ST3GAL6: variants seen among roughly 807,000 people sequenced by gnomAD.
The protein encoded by ST3GAL6 is ST3 beta-galactoside alpha-2,3-sialyltransferase 6.
Under a neutral mutation model 40.5 loss-of-function variants are expected in ST3GAL6, and 31 were observed. The ratio of observed to expected loss-of-function variants is 0.77; its 90% CI spans 0.58 to 1.03. The LOEUF is 1.03. ST3GAL6 is among the 50% of genes least tolerant of loss of function. ST3GAL6 has a pLI of 0.00. For missense variants in ST3GAL6, 357 were observed against 393.2 expected, an observed-to-expected ratio of 0.91 and a Z score of 0.78; for synonymous variants, 129 against 136.9, an observed-to-expected ratio of 0.94 and a Z score of 0.40.
At position 98,793,738 on chromosome 3, in the gene ST3GAL6, G is replaced by C. The variant is rs139832763; in HGVS notation, c.973G>C (p.Val325Leu). The change falls in exon 10 of 10, where the codon GTA becomes CTA. Residue 325 changes from valine to leucine, a missense_variant. By Grantham distance (32) the Val-to-Leu change is conservative. Transcript: ENST00000483910. Reference sequence around the variant, plus strand: ...GAAGGACATTATAGAAAAAAACCTCGTAATCAACTTGACTCAAGATTGACT... The same window carrying C: ...GAAGGACATTATAGAAAAAAACCTCCTAATCAACTTGACTCAAGATTGACT... ...FLKDIIEKNLVINLTQD is the reference protein window; with the variant it reads ...FLKDIIEKNLLINLTQD 6.2e-7 allele frequency: 1 copy of C among 1,602,250 alleles called. No homozygotes were observed. Among genetic ancestry groups the C allele is most frequent in the South Asian group, 1.1e-5 (1 of 88,170 alleles).
At chr3:98,740,509 G>A (rs1019226986) in intron 1 of ST3GAL6, among the ~76,000 whole-genome samples, 1 of 151,960 alleles carries the variant, frequency 6.6e-6, no homozygotes, top group South Asian at 2.1e-4. Context: ...TTGACACTCA[G>A]TGCCATTCTC....
intron 1 of ST3GAL6, 110 bp downstream of exon 1, chr3:98,763,549 G>A: frequency 2.0e-6 from 2 of 1,000,056 alleles, no homozygotes; most frequent in East Asian, 6.0e-5. Context: ...GGTAGAAGGG[G>A]GATGTGCTTC....
chr3:98,762,520 G>T (rs72932661), upstream of ST3GAL6, among the ~76,000 whole-genome samples: 135 of 151,990 alleles, frequency 8.9e-4, no homozygotes, highest in African/African-American at 3.2e-3. Flanking sequence ...TGAGAATTTC[G>T]TCATCCTTCT....
chr3:98,793,298 T>C (rs1439331501), intron 9 of ST3GAL6, among the ~76,000 whole-genome samples: 1 of 152,232 alleles, frequency 6.6e-6, no homozygotes, highest in Non-Finnish European at 1.5e-5. Flanking sequence ...AACCAGGCAT[T>C]ATAATAGTTT....
At chr3:98,757,306 T>G (rs977810386) in intron 1 of ST3GAL6, among the ~76,000 whole-genome samples, 1 of 152,194 alleles carries the variant, frequency 6.6e-6, no homozygotes, top group Non-Finnish European at 1.5e-5. Flanking sequence ...ACACTCATAA[T>G]GGTCTTGTGA....
chr3:98,753,805 A>G (rs1937206709), intron 1 of ST3GAL6, among the ~76,000 whole-genome samples: 1 of 152,262 alleles, frequency 6.6e-6, no homozygotes, highest in African/African-American at 2.4e-5. Flanking sequence ...CTATTAAAAA[A>G]TAATTGTCCT....
At chr3:98,757,395 C>T (rs1306752250) in intron 1 of ST3GAL6, among the ~76,000 whole-genome samples, 4 of 152,316 alleles carry the variant, frequency 2.6e-5, no homozygotes, top group East Asian at 3.9e-4. Flanking sequence ...CCTTCCCCAG[C>T]GTGGTCCTTA....
At chr3:98,783,583 A>G (rs1043473064) in intron 5 of ST3GAL6, 1 of 984,174 alleles carries the variant, frequency 1.0e-6, no homozygotes, top group African/African-American at 1.7e-5. Context: ...AAAAGAAATA[A>G]AAAAAATGCA....
chr3:98,757,331 A>T (rs921721320), intron 1 of ST3GAL6, among the ~76,000 whole-genome samples: 1 of 152,096 alleles, frequency 6.6e-6, no homozygotes, highest in Non-Finnish European at 1.5e-5. Context: ...GTCCTAGGGA[A>T]CCTCTTAAGC....
intron 1 of ST3GAL6, among the ~76,000 whole-genome samples, chr3:98,765,475 A>C (rs1364766859): frequency 6.6e-6 from 1 of 152,236 alleles, no homozygotes; most frequent in Non-Finnish European, 1.5e-5. Context: ...GGATGGACAT[A>C]TAAAAGATTT....
At chr3:98,762,161 C>T (rs2107101198), upstream of ST3GAL6, among the ~76,000 whole-genome samples, 1 of 152,236 alleles carries the variant, frequency 6.6e-6, no homozygotes, top group Middle Eastern at 3.4e-3. Flanking sequence ...ATGTCGGAAC[C>T]AGCTTCATAT....
At chr3:98,733,031 C>A in intron 1 of ST3GAL6, 1 of 1,430,330 alleles carries the variant, frequency 7.0e-7, no homozygotes, top group Non-Finnish European at 9.1e-7. Context: ...ATTGGGGGTG[C>A]GGGAAGACCG....
At chr3:98,755,009 T>C (rs1447968736) in intron 1 of ST3GAL6, among the ~76,000 whole-genome samples, 1 of 152,232 alleles carries the variant, frequency 6.6e-6, no homozygotes, top group East Asian at 1.9e-4. Context: ...GAACTGAACA[T>C]GCAATATCTC....
chr3:98,746,680 C>CA (rs1461473224), intron 1 of ST3GAL6, among the ~76,000 whole-genome samples: 1 of 151,838 alleles, frequency 6.6e-6, no homozygotes. Flanking sequence ...TCAGTGAAAA[C>CA]AAAATTATTT....
At chr3:98,740,421 G>A (rs772932541) in intron 1 of ST3GAL6, among the ~76,000 whole-genome samples, 4 of 151,898 alleles carry the variant, frequency 2.6e-5, no homozygotes, top group African/African-American at 7.3e-5. Context: ...GCCATCTTAT[G>A]TTGCTAACTT....
chr3:98,745,949 ACT>A (rs1936508561), intron 1 of ST3GAL6, among the ~76,000 whole-genome samples: 1 of 152,050 alleles, frequency 6.6e-6, no homozygotes, highest in Non-Finnish European at 1.5e-5. Flanking sequence ...GTACATCCAT[ACT>A]CTCTCGGCTC....
upstream of ST3GAL6, among the ~76,000 whole-genome samples, chr3:98,762,483 T>C (rs1164056714): frequency 6.6e-6 from 1 of 152,164 alleles, no homozygotes; most frequent in African/African-American, 2.4e-5. Context: ...ATATGTGCTG[T>C]TTTTTATTTC....
At chr3:98,777,041 C>G (rs975528915) in intron 5 of ST3GAL6, among the ~76,000 whole-genome samples, 2 of 152,216 alleles carry the variant, frequency 1.3e-5, no homozygotes, top group Non-Finnish European at 2.9e-5. Context: ...AAGGCTGCTT[C>G]TCTATCTTGA....
At chr3:98,782,373 T>C in intron 5 of ST3GAL6, 1 of 691,262 alleles carries the variant, frequency 1.4e-6, no homozygotes, top group South Asian at 1.5e-5. Context: ...AGCAATATGA[T>C]GCCCTTGGAA....
Sources: allele counts gnomAD v4.1 joint callset (sites outside exome capture counted in the v4.1 genomes callset), GRCh38; gene constraint gnomAD v4.1.1; transcripts MANE v1.5; gene names NCBI Gene and HGNC (gene_info 2026-07-23, HGNC 2026-07-21).